Variants in CPNE4 observed in about 807,000 individuals in gnomAD.
CPNE4 encodes copine-4.
CPNE4 carries 25 observed loss-of-function variants against 67.9 expected under a neutral mutation model. The ratio of observed to expected loss-of-function variants is 0.37; its 90% confidence interval spans 0.27 to 0.51. The LOEUF (loss-of-function observed/expected upper bound fraction) is 0.51, where lower values mean the gene tolerates loss of function less well. Ranked by LOEUF, CPNE4 falls within the 20% of genes least tolerant of loss-of-function variation. The pLI, the probability that CPNE4 is intolerant of heterozygous loss-of-function variation, is 0.93. For missense variants in CPNE4, 464 were observed against 690.8 expected, an observed-to-expected ratio of 0.67 and a Z score of 3.68; for synonymous variants, 242 against 244.9, an observed-to-expected ratio of 0.99 and a Z score of 0.11.
intron 1 of CPNE4, among the ~76,000 whole-genome samples, chr3:131,965,611 A>T (rs532742339): frequency 1.3e-5 from 2 of 152,320 alleles, no homozygotes; most frequent in South Asian, 4.1e-4. Flanking sequence ...ACCAACAAAG[A>T]TCAAAAAAGA....
At chr3:131,604,065 T>C (rs1939363934) in intron 7 of CPNE4, among the ~76,000 whole-genome samples, 1 of 152,162 alleles carries the variant, frequency 6.6e-6, no homozygotes, top group Non-Finnish European at 1.5e-5. Context: ...AATTGCATCA[T>C]ACTTCTTATT....
chr3:131,994,871 T>G (rs1046436185), intron 1 of CPNE4, among the ~76,000 whole-genome samples: 1 of 152,196 alleles, frequency 6.6e-6, no homozygotes, highest in Non-Finnish European at 1.5e-5. Flanking sequence ...TTCCAAATAC[T>G]TTTTTCCTTT....
intron 2 of CPNE4, among the ~76,000 whole-genome samples, chr3:131,858,525 T>C (rs931408244): frequency 3.9e-5 from 6 of 152,170 alleles, no homozygotes; most frequent in African/African-American, 1.2e-4. Flanking sequence ...TTATCATCCA[T>C]AGTGGCCCTT....
chr3:131,969,137 A>G lies in CPNE4; in HGVS notation c.-1-63693T>C, dbSNP rs571140366. Among the ~76,000 whole-genome samples the G allele has an allele frequency of 3.9e-5, 6 of 152,108 alleles. No individual in the cohort carries two copies. The East Asian group carries it at 5.8e-4, about 15-fold the overall frequency. ...AACCAAACACTGCATGTTCTCACTC[A>G]TAAGTGGGAGTTGAACAATGAGAAC... On this transcript the variant is annotated intron_variant, in intron 1 of 15. Coordinates refer to ENST00000429747, the MANE Select transcript of CPNE4 (RefSeq NM_130808.3).
intron 7 of CPNE4, among the ~76,000 whole-genome samples, chr3:131,630,409 G>C (rs1212920890): frequency 6.6e-6 from 1 of 152,202 alleles, no homozygotes; most frequent in Non-Finnish European, 1.5e-5. Flanking sequence ...GCCTCAGTCT[G>C]AACTCACTAC....
chr3:131,747,996 C>T (rs914334045), intron 2 of CPNE4, among the ~76,000 whole-genome samples: 3 of 151,972 alleles, frequency 2.0e-5, no homozygotes, highest in Admixed American at 6.6e-5. Context: ...TCTGTAGATG[C>T]TCTTTATCAA....
chr3:132,026,381 T>G (rs1057369425), intron 1 of CPNE4, among the ~76,000 whole-genome samples: 8 of 152,164 alleles, frequency 5.3e-5, no homozygotes, highest in Non-Finnish European at 1.0e-4. Context: ...GGCTGAAGCA[T>G]AGCCAGGCCA....
chr3:131,766,624 T>C (rs1182815429), intron 2 of CPNE4, among the ~76,000 whole-genome samples: 1 of 152,076 alleles, frequency 6.6e-6, no homozygotes, highest in African/African-American at 2.4e-5. Context: ...GGATTAAATA[T>C]TTGCCAAAGT....
At chr3:131,882,212 G>T (rs2087700004) in intron 2 of CPNE4, among the ~76,000 whole-genome samples, 1 of 151,684 alleles carries the variant, frequency 6.6e-6, no homozygotes, top group African/African-American at 2.4e-5. Flanking sequence ...ATGTTAATAA[G>T]TTATGGTTTA....
intron 2 of CPNE4, among the ~76,000 whole-genome samples, chr3:131,751,771 T>TTTG (rs1553765166): frequency 7.3e-6 from 1 of 136,578 alleles, no homozygotes; most frequent in Non-Finnish European, 1.7e-5. Flanking sequence ...GCTGTTTTTT[T>TTTG]TTTGTTTTTT....
chr3:132,034,243 C>T (rs970279125), intron 1 of CPNE4, among the ~76,000 whole-genome samples: 7 of 152,074 alleles, frequency 4.6e-5, no homozygotes, highest in Admixed American at 3.9e-4. Context: ...CCTTCTTCCG[C>T]CTTCGGGACT....
At chr3:131,729,265 T>G (rs1478923174) in intron 2 of CPNE4, among the ~76,000 whole-genome samples, 1 of 152,232 alleles carries the variant, frequency 6.6e-6, no homozygotes, top group Non-Finnish European at 1.5e-5. Context: ...TGATATTCTT[T>G]AAATATTTTG....
chr3:131,764,516 T>C (rs1364665448), intron 2 of CPNE4, among the ~76,000 whole-genome samples: 1 of 152,100 alleles, frequency 6.6e-6, no homozygotes, highest in African/African-American at 2.4e-5. Flanking sequence ...AATTGTAACA[T>C]ATATAACATA....
At chr3:131,948,508 G>A (rs574198681) in intron 1 of CPNE4, among the ~76,000 whole-genome samples, 4 of 152,202 alleles carry the variant, frequency 2.6e-5, no homozygotes, top group South Asian at 2.1e-4. Flanking sequence ...GTGTGAAAAC[G>A]GACTAATACA....
chr3:131,904,143 G>A (rs1302113527), intron 2 of CPNE4, among the ~76,000 whole-genome samples: 1 of 152,168 alleles, frequency 6.6e-6, no homozygotes, highest in Non-Finnish European at 1.5e-5. Flanking sequence ...AACAGTGTGT[G>A]TTAGGAAACA....
intron 1 of CPNE4, among the ~76,000 whole-genome samples, chr3:131,993,472 CAA>C (rs58116331): frequency 1.2e-4 from 7 of 60,456 alleles, no homozygotes; most frequent in South Asian, 7.5e-4. Flanking sequence ...GCAGGAGTGG[CAA>C]AAAAAAAAAA....
intron 3 of CPNE4, among the ~76,000 whole-genome samples, chr3:131,702,986 T>A (rs74916898): frequency 6.6e-6 from 1 of 152,120 alleles, no homozygotes; most frequent in African/African-American, 2.4e-5. Flanking sequence ...ATCAGGGTTT[T>A]GAATTTTTCA....
intron 1 of CPNE4, chr3:131,985,777 T>C (rs562681916): frequency 6.5e-6 from 1 of 153,704 alleles, no homozygotes; most frequent in Non-Finnish European, 1.5e-5. Flanking sequence ...TTAAGTGAGA[T>C]GCTGTAATAA....
At chr3:131,552,081 A>AC in intron 13 of CPNE4, among the ~76,000 whole-genome samples, 1 of 147,978 alleles carries the variant, frequency 6.8e-6, no homozygotes, top group South Asian at 2.1e-4. Context: ...AAAAAAAAAA[A>AC]ACACTTGATG....
Sources: allele counts gnomAD v4.1 joint callset (sites outside exome capture counted in the v4.1 genomes callset), GRCh38; gene constraint gnomAD v4.1.1; transcripts MANE v1.5; gene names NCBI Gene and HGNC (gene_info 2026-07-23, HGNC 2026-07-21).